The following KCNIP1 variants were observed in gnomAD, a reference collection of about 807,000 sequenced individuals.
KCNIP1 encodes potassium voltage-gated channel interacting protein 1.
A neutral mutation model predicts 33.0 loss-of-function variants in KCNIP1; 18 were observed. The observed-to-expected ratio is 0.55, with a 90% CI of 0.38 to 0.81. The LOEUF (loss-of-function observed/expected upper bound fraction) is 0.81, where lower values mean the gene tolerates loss of function less well. Ranked by LOEUF, KCNIP1 falls within the 30% of genes least tolerant of loss-of-function variation. The pLI is 0.00. For synonymous variants in KCNIP1, 93 were observed against 98.3 expected, an observed-to-expected ratio of 0.95 and a Z score of 0.32; for missense variants, 238 against 271.6, an observed-to-expected ratio of 0.88 and a Z score of 0.87.
At chr5:170,657,008 T>TC (rs1761298315) in intron 1 of KCNIP1, among the ~76,000 whole-genome samples, 1 of 146,858 alleles carries the variant, frequency 6.8e-6, no homozygotes, top group Non-Finnish European at 1.5e-5. Flanking sequence ...TTTTTTTTTT[T>TC]TTTTTGAGAC....
intron 1 of KCNIP1, among the ~76,000 whole-genome samples, chr5:170,559,447 A>G (rs1032190151): frequency 3.3e-5 from 5 of 152,070 alleles, no homozygotes; most frequent in East Asian, 1.9e-4. Flanking sequence ...TGCCTTTTCT[A>G]TCTACTACTT....
intron 1 of KCNIP1, among the ~76,000 whole-genome samples, chr5:170,525,092 A>C (rs1448791257): frequency 6.6e-6 from 1 of 152,142 alleles, no homozygotes; most frequent in East Asian, 1.9e-4. Context: ...AGCCTGATGC[A>C]CCCCATTTAC....
At chr5:170,422,768 T>G (rs1755525748) in intron 1 of KCNIP1, 1 of 152,234 alleles carries the variant, frequency 6.6e-6, no homozygotes, top group Non-Finnish European at 1.5e-5. Flanking sequence ...TCTCAGTACC[T>G]TTAACATTTT....
At chr5:170,417,914 C>T (rs982411100) in intron 1 of KCNIP1, among the ~76,000 whole-genome samples, 6 of 152,188 alleles carry the variant, frequency 3.9e-5, no homozygotes, top group Non-Finnish European at 5.9e-5. Flanking sequence ...GCCCACTAGA[C>T]GTCTTCGTTT....
intron 1 of KCNIP1, among the ~76,000 whole-genome samples, chr5:170,434,757 C>A (rs548742736): frequency 1.2e-3 from 182 of 152,278 alleles, no homozygotes; most frequent in Non-Finnish European, 1.9e-3. Flanking sequence ...GAGTTTGAGA[C>A]CAGCCTGGTC....
chr5:170,481,383 T>C (rs750925519), intron 1 of KCNIP1, among the ~76,000 whole-genome samples: 2 of 148,150 alleles, frequency 1.3e-5, no homozygotes, highest in East Asian at 3.9e-4. Context: ...TGGTGGGCAT[T>C]AGTACTACTC....
chr5:170,602,811 G>A (rs1163952303), intron 1 of KCNIP1, among the ~76,000 whole-genome samples: 1 of 152,208 alleles, frequency 6.6e-6, no homozygotes, highest in Non-Finnish European at 1.5e-5. Context: ...GAGGAGCCAG[G>A]AAAAGGAGCT....
chr5:170,439,452 G>A (rs1362718053), intron 1 of KCNIP1, among the ~76,000 whole-genome samples: 3 of 151,712 alleles, frequency 2.0e-5, no homozygotes. Context: ...CTCCTGCAAT[G>A]TGTCAGGAGA....
chr5:170,514,086 C>G (rs997477421), intron 1 of KCNIP1, among the ~76,000 whole-genome samples: 1 of 152,142 alleles, frequency 6.6e-6, no homozygotes, highest in Non-Finnish European at 1.5e-5. Context: ...GAGGGCATAT[C>G]CAGGACAAGC....
At chr5:170,731,625 G>T (rs2113895243) in intron 5 of KCNIP1, among the ~76,000 whole-genome samples, 1 of 151,392 alleles carries the variant, frequency 6.6e-6, no homozygotes, top group African/African-American at 2.4e-5. Context: ...AACCCGGGAG[G>T]TCGAGGCTGC....
intron 1 of KCNIP1, among the ~76,000 whole-genome samples, chr5:170,403,850 G>A (rs1432368339): frequency 2.0e-5 from 3 of 152,182 alleles, no homozygotes; most frequent in African/African-American, 7.2e-5. Flanking sequence ...TGAACACAGT[G>A]AAGCAATTAA....
intron 1 of KCNIP1, among the ~76,000 whole-genome samples, chr5:170,364,761 T>C (rs1255111381): frequency 5.3e-5 from 8 of 152,342 alleles, no homozygotes; most frequent in African/African-American, 1.9e-4. Context: ...TGCTTGGTGA[T>C]TTTAAATGTT....
At chr5:170,387,351 G>A (rs1371305542) in intron 1 of KCNIP1, among the ~76,000 whole-genome samples, 1 of 152,110 alleles carries the variant, frequency 6.6e-6, no homozygotes, top group African/African-American at 2.4e-5. Flanking sequence ...TCTATTTTCT[G>A]CTCAGGCGTC....
At chr5:170,572,389 C>G (rs113271200) in intron 1 of KCNIP1, among the ~76,000 whole-genome samples, 3,616 of 152,290 alleles carry the variant, frequency 0.024, 71 homozygotes, top group Non-Finnish European at 0.036. Context: ...ACCTCCAATA[C>G]CCGGAATGCA....
In KCNIP1 at chr5:170,380,688, C is replaced by T. The variant is rs576671524; in HGVS notation, c.88+26724C>T. ...TTGGACACTGCCAGGTCCTCAGTAG[C>T]ATATAATCCAGCATCCTGAGCTGAC... On this transcript the variant is annotated intron_variant, in intron 1 of 7. Coordinates refer to the KCNIP1 transcript ENST00000377360. 2.4e-3 allele frequency among the ~76,000 whole-genome samples: 363 copies of T among 152,368 alleles called. 3 individuals are homozygous for T. Among genetic ancestry groups the T allele is most frequent in the Non-Finnish European group, 3.6e-3 (244 of 68,042 alleles).
intron 1 of KCNIP1, among the ~76,000 whole-genome samples, chr5:170,596,033 G>A (rs187012077): frequency 1.8e-3 from 272 of 152,264 alleles, no homozygotes; most frequent in Non-Finnish European, 2.8e-3. Context: ...CAGGTTACTC[G>A]AGGCTCCCTC....
intron 1 of KCNIP1, among the ~76,000 whole-genome samples, chr5:170,555,808 C>T (rs1201187448): frequency 1.3e-5 from 2 of 152,126 alleles, no homozygotes; most frequent in Non-Finnish European, 1.5e-5. Context: ...GAGGCAGCCT[C>T]GGGAATGGTG....
At chr5:170,515,820 T>C (rs1755099644) in intron 1 of KCNIP1, among the ~76,000 whole-genome samples, 1 of 152,114 alleles carries the variant, frequency 6.6e-6, no homozygotes, top group Non-Finnish European at 1.5e-5. Context: ...ATTCAGAGGA[T>C]GGAGAAAGCA....
chr5:170,379,598 C>G (rs139578935), intron 1 of KCNIP1, among the ~76,000 whole-genome samples: 21 of 152,254 alleles, frequency 1.4e-4, no homozygotes, highest in South Asian at 2.1e-4. Context: ...GCAGTCACCA[C>G]TCCCTCCAGG....
Sources: allele counts gnomAD v4.1 joint callset (sites outside exome capture counted in the v4.1 genomes callset), GRCh38; gene constraint gnomAD v4.1.1; transcripts MANE v1.5; gene names NCBI Gene and HGNC (gene_info 2026-07-23, HGNC 2026-07-21).